Variants in MTUS2 observed in about 807,000 individuals in gnomAD.
MTUS2 encodes the protein microtubule-associated tumor suppressor candidate 2.
Under a neutral mutation model 114.1 loss-of-function variants are expected in MTUS2, and 40 were observed. The observed-to-expected ratio is 0.35, with a 90% CI of 0.27 to 0.46. The LOEUF is 0.46. Among genes scored for constraint, MTUS2 ranks in the 20% least tolerant of loss-of-function variants. The probability of loss-of-function intolerance (pLI) is 1.00; values close to 1 mark genes in which losing one functional copy is unlikely to be tolerated. For missense variants in MTUS2, 1,679 were observed against 1,705.4 expected, an observed-to-expected ratio of 0.98 and a Z score of 0.27; for synonymous variants, 688 against 672.0, an observed-to-expected ratio of 1.02 and a Z score of -0.37.
intron 2 of MTUS2, among the ~76,000 whole-genome samples, chr13:28,842,808 G>A (rs1451010346): frequency 6.6e-6 from 1 of 152,182 alleles, no homozygotes; most frequent in African/African-American, 2.4e-5. Flanking sequence ...TAATGGGATG[G>A]AATGACTTTA....
chr13:29,389,443 G>GTATATGTATACACGTGTGTGTATGTGTA (rs1353885962), intron 8 of MTUS2, among the ~76,000 whole-genome samples: 2 of 81,238 alleles, frequency 2.5e-5, no homozygotes, highest in African/African-American at 1.1e-4. Context: ...GTGTGTATGT[G>GTATATGTATACACGTGTGTGTATGTGTA]TATGTATACA....
At chr13:29,420,623 T>C (rs1360408156) in intron 8 of MTUS2, among the ~76,000 whole-genome samples, 4 of 152,182 alleles carry the variant, frequency 2.6e-5, no homozygotes, top group South Asian at 2.1e-4. Flanking sequence ...TTGACTGATA[T>C]TCAGCTTATG....
intron 9 of MTUS2, among the ~76,000 whole-genome samples, chr13:29,479,026 C>T (rs1593492290): frequency 1.3e-5 from 2 of 152,200 alleles, no homozygotes; most frequent in African/African-American, 2.4e-5. Context: ...GCCTCTATAG[C>T]GTGGGACTTC....
chr13:29,463,971 G>A (rs949438164), intron 9 of MTUS2, among the ~76,000 whole-genome samples: 9 of 152,064 alleles, frequency 5.9e-5, no homozygotes, highest in African/African-American at 2.2e-4. Flanking sequence ...TCCAGCATGG[G>A]TGACAGATGA....
chr13:28,882,294 T>C lies in MTUS2; in HGVS notation c.-243+42444T>C, dbSNP rs1454441840. Among the ~76,000 whole-genome samples the C allele has an allele frequency of 1.9e-4, 29 of 152,158 alleles. 1 individual carries two copies. The highest frequency in any genetic ancestry group is 1.9e-3 in the Admixed American group (29 of 15,272). On this transcript the variant is annotated intron_variant, in intron 2 of 15. Transcript: ENST00000612955. ...AACTTCTGACTTCAAGTGATCTGCC[T>C]GCCTTGGCCTCCCAAAGTGCTGGGG...
chr13:29,273,254 A>G (rs556297731), intron 5 of MTUS2, among the ~76,000 whole-genome samples: 1 of 152,346 alleles, frequency 6.6e-6, no homozygotes, highest in Non-Finnish European at 1.5e-5. Context: ...CCCTCCTTAC[A>G]TAGGAGCTTG....
chr13:29,325,582 AGAG>A (rs139957279), intron 7 of MTUS2, among the ~76,000 whole-genome samples: 2,175 of 24,852 alleles, frequency 0.088, 48 homozygotes, highest in Middle Eastern at 0.12. Context: ...AGGAGGAGGA[AGAG>A]GAAGAAGAAG....
At chr13:29,411,001 T>G (rs957007162) in intron 8 of MTUS2, among the ~76,000 whole-genome samples, 1 of 152,066 alleles carries the variant, frequency 6.6e-6, no homozygotes, top group Non-Finnish European at 1.5e-5. Flanking sequence ...CCGGCTAATT[T>G]TTGTAATTTT....
At chr13:28,987,315 A>G (rs187515487) in intron 2 of MTUS2, among the ~76,000 whole-genome samples, 27 of 152,266 alleles carry the variant, frequency 1.8e-4, no homozygotes, top group Admixed American at 1.4e-3. Flanking sequence ...GATGCAGCAC[A>G]TCTAGTGCAG....
intron 5 of MTUS2, among the ~76,000 whole-genome samples, chr13:29,244,728 G>A (rs182964098): frequency 9.0e-4 from 136 of 151,830 alleles, no homozygotes; most frequent in African/African-American, 3.1e-3. Flanking sequence ...AGGCCGAGGC[G>A]GGCGGATCAC....
chr13:29,208,480 G>GT (rs1187012827), intron 5 of MTUS2, among the ~76,000 whole-genome samples: 5 of 151,070 alleles, frequency 3.3e-5, no homozygotes, highest in Admixed American at 6.6e-5. Context: ...TTTGTGTTTG[G>GT]TTTTTTTTGT....
At chr13:29,280,053 GCCATGCC>G (rs1337704620) in intron 5 of MTUS2, among the ~76,000 whole-genome samples, 10 of 152,332 alleles carry the variant, frequency 6.6e-5, no homozygotes, top group African/African-American at 2.4e-4. Flanking sequence ...TAGTGGTTGA[GCCATGCC>G]CCATGTGAAA....
intron 5 of MTUS2, among the ~76,000 whole-genome samples, chr13:29,253,594 G>C (rs1279064271): frequency 6.6e-6 from 1 of 152,004 alleles, no homozygotes; most frequent in Non-Finnish European, 1.5e-5. Context: ...TTGAGTCCTT[G>C]CTATGGGATA....
intron 4 of MTUS2, among the ~76,000 whole-genome samples, chr13:29,081,009 G>A (rs551617813): frequency 6.6e-6 from 1 of 152,198 alleles, no homozygotes; most frequent in Non-Finnish European, 1.5e-5. Flanking sequence ...ACAGGCATGA[G>A]CCAACGCGCC....
At chr13:29,142,206 C>T (rs1469374393) in intron 5 of MTUS2, among the ~76,000 whole-genome samples, 2 of 151,986 alleles carry the variant, frequency 1.3e-5, no homozygotes, top group Non-Finnish European at 2.9e-5. Flanking sequence ...TATTTACATA[C>T]ACCGATAAAT....
intron 8 of MTUS2, among the ~76,000 whole-genome samples, chr13:29,403,379 G>A (rs945149470): frequency 1.3e-5 from 2 of 152,116 alleles, no homozygotes; most frequent in African/African-American, 4.8e-5. Flanking sequence ...TTGGCACCAC[G>A]ATCACCTAAA....
intron 5 of MTUS2, among the ~76,000 whole-genome samples, chr13:29,262,466 A>C (rs529803146): frequency 6.6e-6 from 1 of 152,060 alleles, no homozygotes; most frequent in Admixed American, 6.6e-5. Context: ...TGGACTCCAG[A>C]GGAGATATGG....
intron 7 of MTUS2, among the ~76,000 whole-genome samples, chr13:29,352,789 A>G (rs948712679): frequency 2.0e-5 from 3 of 152,212 alleles, no homozygotes; most frequent in African/African-American, 7.2e-5. Flanking sequence ...TTTGCCTACT[A>G]TCATTAATGC....
chr13:29,290,518 G>A (rs1360940940), intron 6 of MTUS2, among the ~76,000 whole-genome samples: 1 of 152,094 alleles, frequency 6.6e-6, no homozygotes, highest in East Asian at 1.9e-4. Flanking sequence ...TTTTAGTAGA[G>A]ACAGGGTTTC....
Sources: allele counts gnomAD v4.1 joint callset (sites outside exome capture counted in the v4.1 genomes callset), GRCh38; gene constraint gnomAD v4.1.1; transcripts MANE v1.5; gene names NCBI Gene and HGNC (gene_info 2026-07-23, HGNC 2026-07-21).